The following RNFT1 variants were observed in gnomAD, a reference collection of about 807,000 sequenced individuals.
RNFT1 encodes E3 ubiquitin-protein ligase RNFT1.
In RNFT1, 35 loss-of-function variants were observed where a neutral mutation model predicts 53.2. The observed-to-expected ratio is 0.66, with a 90% CI of 0.50 to 0.87. The LOEUF is 0.87. Among genes scored for constraint, RNFT1 ranks in the 40% least tolerant of loss-of-function variants. RNFT1 has a pLI of 0.00. For missense variants in RNFT1, 421 were observed against 515.0 expected (o/e 0.82, Z 1.77); for synonymous variants, 141 against 172.8 (o/e 0.82, Z 1.44).
At chr17:59,959,889 G>C in intron 4 of RNFT1, 179 bp downstream of exon 4, 2 of 468,166 alleles carry the variant, frequency 4.3e-6, no homozygotes, top group Non-Finnish European at 6.9e-6. Flanking sequence ...CAGGCTGGGC[G>C]AGAGAGTGAG....
At chr17:59,960,189 T>C in intron 3 of RNFT1, 21 bp from the exon 4 acceptor site, 1 of 1,587,290 alleles carries the variant, frequency 6.3e-7, no homozygotes, top group Admixed American at 1.9e-5. Flanking sequence ...AACAATTTTA[T>C]AATGTTACTT....
Position 59,962,621 on chromosome 17 carries a change from T to G in RNFT1, c.515-5A>C. 1 of 1,586,698 alleles carries G rather than the reference T, an allele frequency of 6.3e-7. No individual in the cohort carries two copies. The highest frequency in any genetic ancestry group is 8.6e-7 in the Non-Finnish European group (1 of 1,168,504). On this transcript the variant is annotated splice_polypyrimidine_tract_variant and splice_region_variant and intron_variant, in intron 2 of 8. Coordinates refer to ENST00000305783, the MANE Select transcript of RNFT1 (RefSeq NM_016125.4). ...GCCCAATTCCAAGAGAAATTCCTGT[T>G]AGAAAATAAGTTCCAGTTAATTGAA...
intron 5 of RNFT1, among the ~76,000 whole-genome samples, chr17:59,957,789 GAGCCA>G (rs1197806878): frequency 6.6e-6 from 1 of 152,078 alleles, no homozygotes; most frequent in East Asian, 1.9e-4. Flanking sequence ...AGGTTGCAGT[GAGCCA>G]AGATCACACC....
chr17:59,954,462 C>A (rs1483530671), intron 7 of RNFT1, among the ~76,000 whole-genome samples: 1 of 152,196 alleles, frequency 6.6e-6, no homozygotes, highest in Non-Finnish European at 1.5e-5. Flanking sequence ...ATTATAAAAT[C>A]TATAGCCATG....
At position 59,963,205 on chromosome 17, in the gene RNFT1, G is replaced by A. The variant is rs142393490; in HGVS notation, c.136C>T (p.His46Tyr). ...RAMQANRSQLHSPPGTGSSED... is the reference protein window; with the variant it reads ...RAMQANRSQLYSPPGTGSSED... The stretch of plus-strand genomic sequence containing the variant: ...CTGCTTCCAGTTCCTGGAGGACTGT[G>A]CAGTTGGCTACGATTGGCTTGCATG... Residue 46 changes from histidine (H) to tyrosine (Y), a missense_variant, in exon 2 of 9, where the codon CAC (histidine) becomes TAC (tyrosine). By Grantham distance (83) the His-to-Tyr change is moderately conservative (BLOSUM62 2). Transcript: ENST00000305783. 13 of 1,614,030 alleles carry A rather than the reference G, an allele frequency of 8.1e-6. No homozygotes were observed. The African/African-American group carries it at 1.3e-4, about 17-fold the overall frequency.
Position 59,963,301 on chromosome 17 carries a change from A to T in RNFT1, c.57-17T>A. 6.3e-7 allele frequency: 1 copy of T among 1,587,312 alleles called. No individual in the cohort carries two copies. On this transcript the variant is annotated splice_polypyrimidine_tract_variant and intron_variant, in intron 1 of 8. Coordinates refer to ENST00000305783, the MANE Select transcript of RNFT1 (RefSeq NM_016125.4). ...CTCTGTCTCCTAAAAAATCAAATAA[A>T]AGATATTCTAAGTAAACAGGCAGTT...
At chr17:59,962,393 A>T in intron 3 of RNFT1, 147 bp downstream of exon 3, 1 of 568,334 alleles carries the variant, frequency 1.8e-6, no homozygotes. Flanking sequence ...CAGGATTTAG[A>T]TAACAAATTT....
In RNFT1 at chr17:59,964,711, A is replaced by G. The variant is rs767522754; in HGVS notation, c.-48T>C. 10 of 1,553,230 alleles carry G rather than the reference A, an allele frequency of 6.4e-6. No individual in the cohort carries two copies. In the East Asian group the frequency reaches 7.4e-5, roughly 12 times the overall value. On this transcript the variant is annotated 5_prime_UTR_variant, in exon 1 of 9. Transcript: ENST00000305783. Reference sequence around the variant, plus strand: ...CGGGGCCATCAACCGCAAACCCCGCAAGCTCTTCTCTCAGCCCGGCGGCAA... The same window carrying G: ...CGGGGCCATCAACCGCAAACCCCGCGAGCTCTTCTCTCAGCCCGGCGGCAA...
chr17:59,956,359 A>G, intron 7 of RNFT1, 129 bp downstream of exon 7: 1 of 671,350 alleles, frequency 1.5e-6, no homozygotes, highest in Non-Finnish European at 2.6e-6. Context: ...AAAGTACTAG[A>G]AAATAATCAA....
chr17:59,958,235 T>C (rs1340751117), intron 5 of RNFT1, 56 bp downstream of exon 5: 5 of 1,482,536 alleles, frequency 3.4e-6, no homozygotes, highest in African/African-American at 1.5e-5. Context: ...AAAGACTAAA[T>C]AGCATTAATG....
chr17:59,959,864 C>G (rs1310596219), intron 4 of RNFT1: 2 of 325,344 alleles, frequency 6.1e-6, no homozygotes, highest in African/African-American at 2.3e-5. Flanking sequence ...GAGCCAAGAT[C>G]AAGACACTGC....
rs753015687 is a variant in RNFT1, at chr17:59,962,835, T to C, written c.506A>G (p.His169Arg). The change falls in exon 2 of 9, where the codon CAT (histidine) becomes CGT (arginine). Residue 169 changes from histidine to arginine, a missense_variant. Coordinates refer to ENST00000305783, the MANE Select transcript of RNFT1 (RefSeq NM_016125.4). ...GTTTTATTATGTCCTACCTGTTATATGCTGCATAACAAGTTTGACGCTCAG... is the reference window on the plus strand; with the variant it reads ...GTTTTATTATGTCCTACCTGTTATACGCTGCATAACAAGTTTGACGCTCAG... Reference protein sequence around the residue: ...LILSVKLVMQHITGISLGIGL... With the variant: ...LILSVKLVMQRITGISLGIGL... 12 of 1,609,890 alleles carry C rather than the reference T, an allele frequency of 7.5e-6. No individual in the cohort carries two copies. Among genetic ancestry groups the C allele is most frequent in the Non-Finnish European group, 1.0e-5 (12 of 1,176,362 alleles).
chr17:59,953,478 G>T (rs750930803), intron 8 of RNFT1, among the ~76,000 whole-genome samples: 2 of 152,196 alleles, frequency 1.3e-5, no homozygotes, highest in Non-Finnish European at 2.9e-5. Context: ...TGGGATTACA[G>T]GCGTGAGCCA....
At position 59,952,841 on chromosome 17, in the gene RNFT1, T is replaced by C; in HGVS notation, c.*136A>G. The C allele has an allele frequency of 1.4e-6, 1 of 719,278 alleles. No homozygotes were observed. Among genetic ancestry groups the C allele is most frequent in the South Asian group, 2.4e-5 (1 of 42,530 alleles). 44.6% of individuals were successfully genotyped at this position (719,278 alleles called of 1,614,324 possible). On this transcript the variant is annotated 3_prime_UTR_variant, in exon 9 of 9. Transcript: ENST00000305783. ...GGTTTCATTTAATCTTTTGGTGAAT[T>C]GGATCATAAGTCCTACATTCTAAAA... is the stretch of plus-strand genomic sequence containing the variant.
intron 7 of RNFT1, among the ~76,000 whole-genome samples, chr17:59,954,860 T>G (rs2045243947): frequency 6.6e-6 from 1 of 152,174 alleles, no homozygotes; most frequent in Non-Finnish European, 1.5e-5. Flanking sequence ...TGAACAAAAA[T>G]GCAATTATTT....
In RNFT1 at chr17:59,956,684, C is replaced by G; in HGVS notation, c.1006-131G>C. ...ATGTTCATTATATGTCACATCTAAT[C>G]ATTTTGTGCTGAGTATTTTATTCAA... On this transcript the variant is annotated intron_variant, in intron 6 of 8. Coordinates refer to ENST00000305783, the MANE Select transcript of RNFT1 (RefSeq NM_016125.4). The G allele has an allele frequency of 4.7e-6, 3 of 636,136 alleles. 1 individual carries two copies. The South Asian group carries it at 6.2e-5, about 13-fold the overall frequency. 39.4% of individuals were successfully genotyped at this position (636,136 alleles called of 1,614,324 possible).
intron 7 of RNFT1, 30 bp downstream of exon 7, chr17:59,956,458 T>G (rs780754444): frequency 6.6e-7 from 1 of 1,507,342 alleles, no homozygotes; most frequent in Non-Finnish European, 9.2e-7. Context: ...AAGGTGAAGG[T>G]GTTTTTCTTA....
chr17:59,960,255 C>T, intron 3 of RNFT1, 87 bp from the exon 4 acceptor site: 1 of 1,384,668 alleles, frequency 7.2e-7, no homozygotes, highest in Non-Finnish European at 9.7e-7. Context: ...TGACTATTAA[C>T]TTAGAATATT....
In RNFT1 at chr17:59,957,355, A is replaced by C. The variant is rs1415700586; in HGVS notation, c.874T>G (p.Leu292Val). Residue 292 changes from leucine (L) to valine (V), a missense_variant, in exon 6 of 9, where the codon TTG becomes GTG. Transcript: ENST00000305783. ...KGYWYMLLEE[L>V]CQYYRTFVPI... ...ACAAAAGTTCGGTAGTATTGACACA[A>C]TTCTTCTAAAAGCATATACCAGTAA... 2 of 1,613,672 alleles carry C rather than the reference A, an allele frequency of 1.2e-6. No homozygotes were observed. The highest frequency in any genetic ancestry group is 3.3e-5 in the Admixed American group (2 of 59,902).
Sources: gnomAD v4.1 joint callset for allele counts (sites outside exome capture counted in the v4.1 genomes callset) on GRCh38, gnomAD v4.1.1 for gene constraint, MANE v1.5 for transcripts, NCBI Gene and HGNC (gene_info 2026-07-23, HGNC 2026-07-21) for gene names.